KCNH8: variants seen among roughly 807,000 people sequenced by gnomAD.
The protein encoded by KCNH8 is voltage-gated delayed rectifier potassium channel KCNH8.
A neutral mutation model predicts 103.6 loss-of-function variants in KCNH8; 70 were observed. The observed-to-expected ratio is 0.68, with a 90% CI of 0.56 to 0.82. KCNH8 has a LOEUF of 0.82. Among genes scored for constraint, KCNH8 ranks in the 40% least tolerant of loss-of-function variants. The probability of loss-of-function intolerance (pLI) is 0.00; values close to 1 mark genes in which losing one functional copy is unlikely to be tolerated. For synonymous variants in KCNH8, 498 were observed against 489.4 expected, an observed-to-expected ratio of 1.02 and a Z score of -0.23; for missense variants, 1,217 against 1,329.9, an observed-to-expected ratio of 0.92 and a Z score of 1.32.
At chr3:19,522,091 C>T (rs1279437191) in intron 15 of KCNH8, among the ~76,000 whole-genome samples, 1 of 151,542 alleles carries the variant, frequency 6.6e-6, no homozygotes, top group Non-Finnish European at 1.5e-5. Flanking sequence ...GTAAAGGGGT[C>T]AGAGTTAATA....
At chr3:19,193,572 AC>A (rs1373635986) in intron 1 of KCNH8, among the ~76,000 whole-genome samples, 1 of 151,742 alleles carries the variant, frequency 6.6e-6, no homozygotes. Context: ...AGGTATAAAA[AC>A]ATTCTATAAA....
intron 1 of KCNH8, among the ~76,000 whole-genome samples, chr3:19,202,718 A>G (rs2063675988): frequency 6.6e-6 from 1 of 152,170 alleles, no homozygotes; most frequent in East Asian, 1.9e-4. Context: ...GTCTATAACT[A>G]TATTGCATTG....
intron 1 of KCNH8, among the ~76,000 whole-genome samples, chr3:19,248,713 A>G (rs112978598): frequency 1.4e-4 from 21 of 152,320 alleles, no homozygotes; most frequent in African/African-American, 5.1e-4. Flanking sequence ...AAGTGGGACA[A>G]GTACAAAGAT....
At chr3:19,335,249 G>A (rs1217888018) in intron 3 of KCNH8, among the ~76,000 whole-genome samples, 3 of 151,628 alleles carry the variant, frequency 2.0e-5, no homozygotes, top group African/African-American at 4.8e-5. Flanking sequence ...AGATGGTCAT[G>A]TGTTTTATTT....
chr3:19,436,886 C>T (rs1391089198), intron 7 of KCNH8, among the ~76,000 whole-genome samples: 1 of 152,144 alleles, frequency 6.6e-6, no homozygotes, highest in Non-Finnish European at 1.5e-5. Context: ...TTGGTTCGGA[C>T]CCTCTTTAGC....
At chr3:19,155,140 A>G (rs1047370616) in intron 1 of KCNH8, among the ~76,000 whole-genome samples, 2 of 152,216 alleles carry the variant, frequency 1.3e-5, no homozygotes, top group Non-Finnish European at 2.9e-5. Flanking sequence ...ACATGTCCCC[A>G]AATGAACTAA....
At chr3:19,279,469 T>G (rs1203290592) in intron 2 of KCNH8, among the ~76,000 whole-genome samples, 1 of 151,974 alleles carries the variant, frequency 6.6e-6, no homozygotes, top group Non-Finnish European at 1.5e-5. Context: ...GAACCATGGT[T>G]AGATCCCAGG....
intron 3 of KCNH8, among the ~76,000 whole-genome samples, chr3:19,293,859 A>G (rs1047285012): frequency 1.3e-5 from 2 of 152,220 alleles, no homozygotes; most frequent in South Asian, 2.1e-4. Flanking sequence ...TGATAGATGG[A>G]TGATGAGTAT....
chr3:19,351,140 T>C (rs2065796150), intron 5 of KCNH8, among the ~76,000 whole-genome samples: 1 of 151,870 alleles, frequency 6.6e-6, no homozygotes, highest in Non-Finnish European at 1.5e-5. Flanking sequence ...TATCAGTGAC[T>C]GAAGATCAGA....
chr3:19,452,230 A>G lies in KCNH8; in HGVS notation c.1825+826A>G, dbSNP rs372043225. Among the ~76,000 whole-genome samples the G allele has an allele frequency of 8.7e-4, 133 of 152,144 alleles. 1 individual carries two copies. In the South Asian group the frequency reaches 0.027, roughly 31 times the overall value. On this transcript the variant is annotated intron_variant, in intron 10 of 15. Coordinates refer to ENST00000328405, the MANE Select transcript of KCNH8 (RefSeq NM_144633.3). ...CAGACCCTGTCTCTACTAAAAATAC[A>G]AATAATTAGCTGGCCATGGTGGCAG...
At chr3:19,176,507 C>T (rs916904878) in intron 1 of KCNH8, among the ~76,000 whole-genome samples, 1 of 151,988 alleles carries the variant, frequency 6.6e-6, no homozygotes, top group Non-Finnish European at 1.5e-5. Context: ...ATGGAAGACA[C>T]ATTCTTTTTT....
chr3:19,283,279 C>T (rs1447580253), intron 3 of KCNH8, among the ~76,000 whole-genome samples: 1 of 152,096 alleles, frequency 6.6e-6, no homozygotes, highest in Admixed American at 6.6e-5. Flanking sequence ...AAAATTCTAT[C>T]TTAAAATGGT....
chr3:19,316,933 G>A (rs974162700), intron 3 of KCNH8, among the ~76,000 whole-genome samples: 12 of 151,752 alleles, frequency 7.9e-5, no homozygotes, highest in Admixed American at 1.3e-4. Flanking sequence ...ATGAATAGGC[G>A]GAATCTATTC....
chr3:19,196,688 C>T (rs1208595825), intron 1 of KCNH8, among the ~76,000 whole-genome samples: 1 of 151,918 alleles, frequency 6.6e-6, no homozygotes, highest in Non-Finnish European at 1.5e-5. Context: ...CGTGGAAGAA[C>T]CCAGTTTTTA....
In KCNH8 at chr3:19,475,873, G is replaced by A. The variant is rs138082602; in HGVS notation, c.2040+18891G>A. ...TTTCAGTGGCTTGTAATCCCATTAC[G>A]AATTCTCTCAAAGACTTGTTTTTAG... On this transcript the variant is annotated intron_variant, in intron 11 of 15. Transcript: ENST00000328405. 4.1e-4 allele frequency among the ~76,000 whole-genome samples: 63 copies of A among 152,204 alleles called. 1 individual carries two copies. The East Asian group carries it at 9.6e-3, about 23-fold the overall frequency.
At chr3:19,237,529 A>G (rs1315854520) in intron 1 of KCNH8, among the ~76,000 whole-genome samples, 1 of 152,248 alleles carries the variant, frequency 6.6e-6, no homozygotes, top group Non-Finnish European at 1.5e-5. Flanking sequence ...GGGCAACTGC[A>G]GTGGGCACAT....
chr3:19,469,958 C>A (rs2067821776), intron 11 of KCNH8, among the ~76,000 whole-genome samples: 3 of 152,074 alleles, frequency 2.0e-5, no homozygotes, highest in Non-Finnish European at 2.9e-5. Context: ...AGGTCATGTT[C>A]CCTTGTAACC....
chr3:19,189,887 G>T (rs1006631830), intron 1 of KCNH8, among the ~76,000 whole-genome samples: 1 of 151,994 alleles, frequency 6.6e-6, no homozygotes, highest in Admixed American at 6.6e-5. Context: ...TAAAACTGAC[G>T]CTACTTAGAT....
chr3:19,372,947 C>A (rs2066125487), intron 5 of KCNH8, among the ~76,000 whole-genome samples: 1 of 151,820 alleles, frequency 6.6e-6, no homozygotes, highest in Admixed American at 6.6e-5. Flanking sequence ...AGCCTTGCAT[C>A]CCAGGGATGA....
Sources: allele counts gnomAD v4.1 joint callset (sites outside exome capture counted in the v4.1 genomes callset), GRCh38; gene constraint gnomAD v4.1.1; transcripts MANE v1.5; gene names NCBI Gene and HGNC (gene_info 2026-07-23, HGNC 2026-07-21).